Variants in DCDC1 observed in about 807,000 individuals in gnomAD.
The protein encoded by DCDC1 is doublecortin domain-containing protein 1.
Under a neutral mutation model 178.3 loss-of-function variants are expected in DCDC1, and 200 were observed. The observed-to-expected ratio is 1.12, with a 90% CI of 1.00 to 1.26. The LOEUF (loss-of-function observed/expected upper bound fraction) is 1.26. DCDC1 is among the 50% of genes most tolerant of loss of function. DCDC1 has a pLI of 0.00. For missense variants in DCDC1, 1,983 were observed against 1,749.2 expected, an observed-to-expected ratio of 1.13 and a Z score of -2.38; for synonymous variants, 690 against 604.8, an observed-to-expected ratio of 1.14 and a Z score of -2.07.
At chr11:31,337,658 CTCAA>C (rs3059707) in intron 1 of DCDC1, among the ~76,000 whole-genome samples, 26 of 150,122 alleles carry the variant, frequency 1.7e-4, no homozygotes, top group Admixed American at 2.0e-4. Context: ...GAGACCCTGT[CTCAA>C]TCAATCAATC....
At chr11:31,075,787 G>GC (rs1250371376) in intron 18 of DCDC1, among the ~76,000 whole-genome samples, 1 of 152,180 alleles carries the variant, frequency 6.6e-6, no homozygotes, top group Non-Finnish European at 1.5e-5. Flanking sequence ...CTAGACATTA[G>GC]CCCCCTGTGG....
chr11:31,159,014 AT>A (rs1263246484), intron 9 of DCDC1, among the ~76,000 whole-genome samples: 47 of 152,130 alleles, frequency 3.1e-4, no homozygotes, highest in Non-Finnish European at 2.9e-5. Flanking sequence ...ACCAAAAAAA[AT>A]ACAAAAAAAC....
At position 31,179,434 on chromosome 11, in the gene DCDC1, C is replaced by T. The variant is rs2554047; in HGVS notation, c.1222-41650G>A. ...ATACAGAATCAACCTAAGCGTCCAA[C>T]AACAGATAAATGAATAAAGAAAATG... On this transcript the variant is annotated intron_variant, in intron 9 of 38. Coordinates refer to ENST00000684477, the MANE Select transcript of DCDC1 (RefSeq NM_001387274.1). Among the ~76,000 whole-genome samples, 1,052 of 152,164 alleles carry T rather than the reference C, an allele frequency of 6.9e-3. 11 individuals are homozygous for T. The highest frequency in any genetic ancestry group is 0.024 in the African/African-American group (996 of 41,504).
At chr11:31,314,705 G>C (rs1490516849) in intron 3 of DCDC1, among the ~76,000 whole-genome samples, 6 of 151,450 alleles carry the variant, frequency 4.0e-5, no homozygotes, top group African/African-American at 1.5e-4. Flanking sequence ...TCATTTAAGA[G>C]TTTATCTGAT....
At chr11:30,987,537 G>C (rs72882653) in intron 20 of DCDC1, among the ~76,000 whole-genome samples, 140 of 152,304 alleles carry the variant, frequency 9.2e-4, no homozygotes, top group Admixed American at 2.5e-3. Context: ...CAACATGATA[G>C]AGATGGACTG....
chr11:30,869,980 G>A (rs905075603), intron 38 of DCDC1, among the ~76,000 whole-genome samples: 5 of 152,122 alleles, frequency 3.3e-5, no homozygotes, highest in Admixed American at 2.0e-4. Flanking sequence ...TCTGGGGGTG[G>A]GGGTGTGTGC....
chr11:31,099,163 G>T (rs2135718272), intron 15 of DCDC1, among the ~76,000 whole-genome samples: 1 of 152,230 alleles, frequency 6.6e-6, no homozygotes, highest in East Asian at 1.9e-4. Flanking sequence ...ATTGTTTTTA[G>T]GTTTGAGTTG....
chr11:30,942,320 G>A (rs558276030), intron 21 of DCDC1, among the ~76,000 whole-genome samples: 47 of 152,226 alleles, frequency 3.1e-4, no homozygotes, highest in Admixed American at 2.1e-3. Flanking sequence ...ATTCTATAGC[G>A]GAGATATTGA....
chr11:31,111,716 A>C (rs1013123888), intron 11 of DCDC1, among the ~76,000 whole-genome samples: 1 of 152,164 alleles, frequency 6.6e-6, no homozygotes, highest in African/African-American at 2.4e-5. Flanking sequence ...CAAAACTCTT[A>C]AGCAACAGAG....
chr11:31,141,109 A>G (rs985591256), intron 9 of DCDC1, among the ~76,000 whole-genome samples: 2 of 152,216 alleles, frequency 1.3e-5, no homozygotes, highest in African/African-American at 4.8e-5. Context: ...TCTTACGTGC[A>G]TCACTCAGAC....
intron 20 of DCDC1, among the ~76,000 whole-genome samples, chr11:30,965,871 G>A (rs1302184102): frequency 9.4e-5 from 11 of 116,590 alleles, no homozygotes; most frequent in African/African-American, 3.5e-4. Context: ...TTGTTCTTGC[G>A]ATAGTTTACT....
rs573436498 is a variant in DCDC1 at position 31,139,466 on chromosome 11, A to G, written c.1222-1682T>C. On this transcript the variant is annotated intron_variant, in intron 9 of 38. Transcript: ENST00000684477. ...TTGGTCTCAAGCATCTGTTTATTTG[A>G]TCAGGGGAGCTCTCATCTCGAGAGG... Among the ~76,000 whole-genome samples, 28 of 152,300 alleles carry G rather than the reference A, an allele frequency of 1.8e-4. 1 individual carries two copies. The highest frequency in any genetic ancestry group is 6.3e-4 in the African/African-American group (26 of 41,574).
At chr11:30,945,325 T>C (rs1390827647) in intron 21 of DCDC1, among the ~76,000 whole-genome samples, 4 of 152,240 alleles carry the variant, frequency 2.6e-5, no homozygotes, top group African/African-American at 9.6e-5. Flanking sequence ...GGTTTTCTAA[T>C]ATAATTACCA....
At chr11:31,292,155 G>GA (rs1947279990) in intron 6 of DCDC1, among the ~76,000 whole-genome samples, 1 of 151,832 alleles carries the variant, frequency 6.6e-6, no homozygotes, top group African/African-American at 2.4e-5. Flanking sequence ...TTCAAAAAGA[G>GA]AAAAAACATT....
intron 20 of DCDC1, among the ~76,000 whole-genome samples, chr11:31,056,440 T>C (rs1955589196): frequency 1.3e-5 from 2 of 152,076 alleles, no homozygotes; most frequent in African/African-American, 4.8e-5. Flanking sequence ...TACTTTTTCA[T>C]ACAAAACACT....
At chr11:30,999,376 T>C (rs1048553036) in intron 20 of DCDC1, among the ~76,000 whole-genome samples, 1 of 152,188 alleles carries the variant, frequency 6.6e-6, no homozygotes, top group South Asian at 2.1e-4. Context: ...CTGTAGGAAC[T>C]CTCTATACTA....
rs118144543 is a variant in DCDC1 at position 31,075,672 on chromosome 11, G to A, written c.2298+2193C>T. Among the ~76,000 whole-genome samples the A allele has an allele frequency of 2.1e-4, 32 of 152,126 alleles. No homozygotes were observed. The East Asian group carries it at 6.2e-3, about 29-fold the overall frequency. ...TTAAGCATTTTTTATACCCTTGTTG[G>A]CCATTTGTATGTCTTCTTTTGAAAA... On this transcript the variant is annotated intron_variant, in intron 18 of 38. Coordinates refer to ENST00000684477, the MANE Select transcript of DCDC1 (RefSeq NM_001387274.1).
intron 8 of DCDC1, 77 bp from the exon 9 acceptor site, chr11:31,241,693 T>C (rs1255619321): frequency 2.5e-6 from 1 of 393,618 alleles, no homozygotes; most frequent in Non-Finnish European, 4.5e-6. Context: ...ACAGCCCCAA[T>C]ACCAGAGCTA....
chr11:31,172,479 T>C (rs898231520), intron 9 of DCDC1, among the ~76,000 whole-genome samples: 4 of 152,158 alleles, frequency 2.6e-5, no homozygotes, highest in Non-Finnish European at 5.9e-5. Context: ...ATTAGTACAG[T>C]TGAGCCTCAA....
Sources: allele counts gnomAD v4.1 joint callset (sites outside exome capture counted in the v4.1 genomes callset), GRCh38; gene constraint gnomAD v4.1.1; transcripts MANE v1.5; gene names NCBI Gene and HGNC (gene_info 2026-07-23, HGNC 2026-07-21).